EDC3: variants seen among roughly 807,000 people sequenced by gnomAD.
EDC3 encodes the protein enhancer of mRNA decapping 3, also known as enhancer of mRNA-decapping protein 3.
EDC3 carries 20 observed loss-of-function variants against 41.8 expected under a neutral mutation model. That is an observed-to-expected ratio of 0.48 (90% CI 0.34 to 0.70). The LOEUF is 0.70. Ranked by LOEUF, EDC3 falls within the 30% of genes least tolerant of loss-of-function variation. The pLI, the probability that EDC3 is intolerant of heterozygous loss-of-function variation, is 0.01. For synonymous variants in EDC3, 206 were observed against 243.2 expected (o/e 0.85, Z 1.42); for missense variants, 444 against 636.8 (o/e 0.70, Z 3.26).
intron 4 of EDC3, chr15:74,643,125 C>A (rs2062373644): frequency 6.6e-6 from 1 of 152,214 alleles, no homozygotes; most frequent in South Asian, 2.1e-4. Context: ...CACGTAAGTC[C>A]AACAAGTTGG....
At chr15:74,688,674 G>A (rs953940323) in intron 1 of EDC3, among the ~76,000 whole-genome samples, 5 of 152,168 alleles carry the variant, frequency 3.3e-5, no homozygotes, top group African/African-American at 1.2e-4. Flanking sequence ...GGGAGGCCAC[G>A]GCGGGTGGAT....
intron 3 of EDC3, among the ~76,000 whole-genome samples, chr15:74,668,508 AAG>A (rs1293394997): frequency 6.6e-6 from 1 of 152,196 alleles, no homozygotes; most frequent in East Asian, 1.9e-4. Context: ...TTTCTGCTAA[AAG>A]AAAAAAGATT....
rs1386424641 is a variant in EDC3, at chr15:74,630,713, C to CTCTT, written c.*1895_*1898dup. On this transcript the variant is annotated 3_prime_UTR_variant, in exon 7 of 7. Transcript: ENST00000315127. The stretch of plus-strand genomic sequence containing the variant: ...AACTGAAGACAGAGGAATCATACTT[C>CTCTT]TCTTTAATACCTCTGGGGAAGGCCC... The CTCTT allele has an allele frequency of 6.6e-6, 1 of 152,246 alleles. No homozygotes were observed. Among genetic ancestry groups the CTCTT allele is most frequent in the Non-Finnish European group, 1.5e-5 (1 of 68,068 alleles). 9.4% of individuals were successfully genotyped at this position (152,246 alleles called of 1,614,324 possible). A position where few individuals can be genotyped will look rare whatever the true frequency, so the allele number is the denominator to read the frequency against.
chr15:74,672,625 G>T (rs2062752607), intron 2 of EDC3, among the ~76,000 whole-genome samples: 1 of 152,134 alleles, frequency 6.6e-6, no homozygotes, highest in Non-Finnish European at 1.5e-5. Context: ...AGACCAGCCT[G>T]GTCAACATGG....
At chr15:74,659,536 G>C (rs2062596955) in intron 3 of EDC3, among the ~76,000 whole-genome samples, 1 of 147,148 alleles carries the variant, frequency 6.8e-6, no homozygotes. Flanking sequence ...AATATGATGT[G>C]ATTAGAGTTA....
chr15:74,660,242 A>G (rs1596316195), intron 3 of EDC3, among the ~76,000 whole-genome samples: 2 of 151,530 alleles, frequency 1.3e-5, no homozygotes, highest in Admixed American at 1.3e-4. Flanking sequence ...CGTCTCTACT[A>G]AAAATACAAA....
intron 4 of EDC3, among the ~76,000 whole-genome samples, chr15:74,646,762 AG>A (rs781337565): frequency 1.7e-4 from 26 of 152,198 alleles, no homozygotes; most frequent in Non-Finnish European, 2.8e-4. Flanking sequence ...TAAAGTTGAC[AG>A]GGGTAGAAAG....
chr15:74,633,714 G>A (rs1047279905), intron 6 of EDC3, among the ~76,000 whole-genome samples: 7 of 152,182 alleles, frequency 4.6e-5, no homozygotes, highest in Non-Finnish European at 1.5e-5. Flanking sequence ...TTGTGTCCTG[G>A]AGCAGCTGGG....
At chr15:74,656,447 C>A (rs1482771490) in intron 3 of EDC3, among the ~76,000 whole-genome samples, 2 of 130,166 alleles carry the variant, frequency 1.5e-5, no homozygotes, top group African/African-American at 5.8e-5. Context: ...ACACAAACAA[C>A]AACAAATATT....
chr15:74,685,416 T>C (rs775565801), intron 1 of EDC3, among the ~76,000 whole-genome samples: 1 of 151,250 alleles, frequency 6.6e-6, no homozygotes, highest in Non-Finnish European at 1.5e-5. Flanking sequence ...ACAAAAAGTA[T>C]ATAGATAGAT....
At chr15:74,674,492 T>A (rs1567175763) in intron 2 of EDC3, among the ~76,000 whole-genome samples, 2 of 152,118 alleles carry the variant, frequency 1.3e-5, no homozygotes, top group Non-Finnish European at 2.9e-5. Flanking sequence ...AAAAACTAAT[T>A]CAGCAAGATG....
At chr15:74,691,068 C>CAGT (rs2141688397) in intron 1 of EDC3, among the ~76,000 whole-genome samples, 1 of 150,094 alleles carries the variant, frequency 6.7e-6, no homozygotes, top group South Asian at 2.1e-4. Flanking sequence ...TGTTGGGAGG[C>CAGT]GGAGGTTGCA....
intron 3 of EDC3, among the ~76,000 whole-genome samples, chr15:74,658,134 G>A (rs2062573502): frequency 6.6e-6 from 1 of 152,152 alleles, no homozygotes. Flanking sequence ...CCCTGAAAAC[G>A]TGAATCAGGT....
Position 74,632,511 on chromosome 15 carries a change from AG to A in EDC3, c.*100del. The A allele has an allele frequency of 7.3e-7, 1 of 1,371,746 alleles. No individual in the cohort carries two copies. The highest frequency in any genetic ancestry group is 9.9e-7 in the Non-Finnish European group (1 of 1,008,082). The allele number at this position is 1,371,746 out of a possible 1,614,324, so 85.0% of individuals were successfully genotyped here. A position where few individuals can be genotyped will look rare whatever the true frequency, so the allele number is the denominator to read the frequency against. ...CTCTCACAGAAGAAACAAACCCAAA[AG>A]AGAAAAAACTTTAACAAGGTCCATG... is the stretch of plus-strand genomic sequence containing the variant. On this transcript the variant is annotated 3_prime_UTR_variant, in exon 7 of 7. Coordinates refer to ENST00000315127, the MANE Select transcript of EDC3 (RefSeq NM_025083.5). The surrounding 1 kb of genome is among the most constrained non-coding windows in gnomAD (Gnocchi z 4.0).
chr15:74,675,663 G>A (rs2062798031), intron 1 of EDC3, among the ~76,000 whole-genome samples: 1 of 149,032 alleles, frequency 6.7e-6, no homozygotes, highest in Non-Finnish European at 1.5e-5. Context: ...GGCAGATCAC[G>A]AGGTCACGAG....
chr15:74,651,247 G>C (rs1347019563), intron 4 of EDC3, among the ~76,000 whole-genome samples: 1 of 152,214 alleles, frequency 6.6e-6, no homozygotes, highest in Admixed American at 6.5e-5. Flanking sequence ...TCCAGAGTGT[G>C]ATCACTGGAC....
At chr15:74,668,118 G>A (rs575726969) in intron 3 of EDC3, among the ~76,000 whole-genome samples, 19 of 152,216 alleles carry the variant, frequency 1.2e-4, no homozygotes, top group African/African-American at 4.3e-4. Flanking sequence ...TAAACATCAA[G>A]TACCAACTGA....
chr15:74,687,732 C>A (rs774035286), intron 1 of EDC3, among the ~76,000 whole-genome samples: 3 of 152,108 alleles, frequency 2.0e-5, no homozygotes, highest in Non-Finnish European at 2.9e-5. Context: ...TAAAAAAGCA[C>A]AAAATACACA....
intron 1 of EDC3, among the ~76,000 whole-genome samples, chr15:74,694,306 TTTTTC>T (rs536372681): frequency 1.3e-3 from 193 of 152,050 alleles, no homozygotes; most frequent in Non-Finnish European, 2.0e-3. Context: ...TAGTCTAATA[TTTTTC>T]TTTTCTTTTC....
Sources: allele counts gnomAD v4.1 joint callset (sites outside exome capture counted in the v4.1 genomes callset), GRCh38; gene constraint gnomAD v4.1.1; non-coding constraint Gnocchi (gnomAD v3.1); transcripts MANE v1.5; gene names NCBI Gene and HGNC (gene_info 2026-07-23, HGNC 2026-07-21).